The following NDST2 variants were observed in gnomAD, a reference collection of about 807,000 sequenced individuals.
NDST2 encodes N-deacetylase and N-sulfotransferase 2, also known as bifunctional heparan sulfate N-deacetylase/N-sulfotransferase 2.
Under a neutral mutation model 86.9 loss-of-function variants are expected in NDST2, and 32 were observed. That is an observed-to-expected ratio of 0.37 (90% CI 0.28 to 0.49). The LOEUF is 0.49. NDST2 is among the 20% of genes least tolerant of loss of function. NDST2 has a pLI of 0.97. For synonymous variants in NDST2, 409 were observed against 437.0 expected (o/e 0.94, Z 0.80); for missense variants, 950 against 1,146.9 (o/e 0.83, Z 2.48).
chr10:73,805,978 A>G lies in NDST2; in HGVS notation c.1485T>C (p.Asn495=), dbSNP rs760351892. 1.9e-6 allele frequency: 3 copies of G among 1,614,094 alleles called. No individual in the cohort carries two copies. The highest frequency in any genetic ancestry group is 2.2e-5 in the South Asian group (2 of 91,094). ...CGLFTHTIFY[N]EYPGGSRELD... is the part of the protein sequence containing the mutation. ...GTTCACGAGAGCCTCCAGGATACTCATTATAGAAGATTGTGTGAGTGAAGA... is the reference window on the plus strand; with the variant it reads ...GTTCACGAGAGCCTCCAGGATACTCGTTATAGAAGATTGTGTGAGTGAAGA... The change falls in exon 7 of 15, where the codon AAT becomes AAC. Residue 495 remains asparagine (N), a synonymous_variant. Coordinates refer to ENST00000309979, the MANE Select transcript of NDST2 (RefSeq NM_003635.4).
rs1370599503 is a variant in NDST2, at chr10:73,802,952, C to T, written c.2423+20G>A. On this transcript the variant is annotated intron_variant, in intron 13 of 14. Coordinates refer to ENST00000309979, the MANE Select transcript of NDST2 (RefSeq NM_003635.4). Reference sequence around the variant, plus strand: ...CCCATTTCCCATACAGTACTCCTCCCCTGGGTCATGCTCTCCCACCTGAGG... The same window carrying T: ...CCCATTTCCCATACAGTACTCCTCCTCTGGGTCATGCTCTCCCACCTGAGG... 1.2e-6 allele frequency: 2 copies of T among 1,609,856 alleles called. No homozygotes were observed. The highest frequency in any genetic ancestry group is 1.7e-6 in the Non-Finnish European group (2 of 1,176,232).
chr10:73,803,210 C>A lies in NDST2; in HGVS notation c.2292G>T (p.Leu764=). Residue 764 remains leucine, a synonymous_variant, in exon 12 of 15, where the codon CTG becomes CTT. Transcript: ENST00000309979. ...GYYSTHLQRW[L]TYYPSGQLLI... ...ATACCTGTCCAGAGGGGTAGTAAGT[C>A]AGCCAGCGTTGTAGATGGGTAGAAT... The A allele has an allele frequency of 6.2e-7, 1 of 1,614,202 alleles. No individual in the cohort carries two copies. Among genetic ancestry groups the A allele is most frequent in the South Asian group, 1.1e-5 (1 of 91,082 alleles).
At position 73,805,719 on chromosome 10, in the gene NDST2, G is replaced by A; in HGVS notation, c.1614C>T (p.Gly538=). The A allele has an allele frequency of 6.2e-7, 1 of 1,614,196 alleles. No individual in the cohort carries two copies. The highest frequency in any genetic ancestry group is 1.1e-5 in the South Asian group (1 of 91,080). ...HLSNYGNDRL[G]LYTFESLVRF... ...GCACCAAGCTCTCAAAGGTGTATAG[G>A]CCCAGCCGGTCATTTCCATAATTGG... The change falls in exon 8 of 15, where the codon GGC becomes GGT. Residue 538 remains glycine, a synonymous_variant. Coordinates refer to ENST00000309979, the MANE Select transcript of NDST2 (RefSeq NM_003635.4).
Position 73,806,417 on chromosome 10 carries a change from A to T in NDST2, c.1306T>A (p.Tyr436Asn). Residue 436 changes from tyrosine (Y) to asparagine (N), a missense_variant, in exon 6 of 15, where the codon TAC becomes AAC. This residue lies in a region of NDST2 where 586 missense variants were observed against 714.0 expected (regional missense o/e 0.82). Coordinates refer to ENST00000309979, the MANE Select transcript of NDST2 (RefSeq NM_003635.4). The surrounding 1 kb of genome is among the most constrained non-coding windows in gnomAD (Gnocchi z 4.5). The stretch of plus-strand genomic sequence containing the variant: ...TCATAGAGCTGCGTGTGGATGGGGT[A>T]CACACCCGAGTGGTGGGGGGCCACA... ...YAVAPHHSGV[Y>N]PIHTQLYEAW... The T allele has an allele frequency of 6.2e-7, 1 of 1,613,306 alleles. No homozygotes were observed. The highest frequency in any genetic ancestry group is 8.5e-7 in the Non-Finnish European group (1 of 1,179,448).
chr10:73,803,614 A>G lies in NDST2; in HGVS notation c.2102T>C (p.Val701Ala). The G allele has an allele frequency of 1.2e-6, 2 of 1,608,228 alleles. No individual in the cohort carries two copies. Among genetic ancestry groups the G allele is most frequent in the Non-Finnish European group, 1.7e-6 (2 of 1,178,202 alleles). ...GGCCCTGTCAGCAGGGTTGGTGAGC[A>G]CTGTGATGATCTTGGCTCGTGGCAG... is the stretch of plus-strand genomic sequence containing the variant. Reference protein sequence around the residue: ...ALLPRAKIITVLTNPADRAYS... With the variant: ...ALLPRAKIITALTNPADRAYS... Residue 701 changes from valine (V) to alanine (A), a missense_variant, in exon 11 of 15, where the codon GTG (valine) becomes GCG (alanine). Around this residue, in one of 5 missense-constraint regions of NDST2, gnomAD observed 303 missense variants for 323.7 expected, o/e 0.94. Coordinates refer to ENST00000309979, the MANE Select transcript of NDST2 (RefSeq NM_003635.4).
At chr10:73,807,299 T>G in intron 3 of NDST2, 85 bp downstream of exon 3, 1 of 1,580,634 alleles carries the variant, frequency 6.3e-7, no homozygotes, top group South Asian at 1.1e-5. Flanking sequence ...AGTGTACCTA[T>G]GACAAGCTCA....
chr10:73,806,340 G>T lies in NDST2; in HGVS notation c.1383C>A (p.Pro461=), dbSNP rs1318753555. ...GGCGGTAGCGGGCAGGGCGGAGATG[G>T]GGATACTCCTCAGTGCTGGTCACCT... ...GIQVTSTEEY[P]HLRPARYRRG... is the part of the protein sequence containing the mutation. The change falls in exon 6 of 15, where the codon CCC becomes CCA. Residue 461 remains proline (P), a synonymous_variant. Transcript: ENST00000309979. This position sits in a 1 kb window ranked among gnomAD's most constrained non-coding sequence, Gnocchi z 4.5. 22 of 1,614,044 alleles carry T rather than the reference G, an allele frequency of 1.4e-5. No individual in the cohort carries two copies. Among genetic ancestry groups the T allele is most frequent in the Non-Finnish European group, 1.9e-5 (22 of 1,180,042 alleles).
At chr10:73,807,265 T>C (rs2084119716) in intron 3 of NDST2, 70 bp from the exon 4 acceptor site, 1 of 1,559,324 alleles carries the variant, frequency 6.4e-7, no homozygotes, top group African/African-American at 1.4e-5. Context: ...AGAAGTAGCA[T>C]TCTTCCTGCC....
chr10:73,809,556 G>A (rs752114819), intron 2 of NDST2, among the ~76,000 whole-genome samples: 1 of 152,160 alleles, frequency 6.6e-6, no homozygotes, highest in Non-Finnish European at 1.5e-5. Context: ...CAGCTCAGAA[G>A]AGTCCCTGAG....
intron 8 of NDST2, 48 bp from the exon 9 acceptor site, chr10:73,804,917 T>TTC: frequency 1.7e-6 from 2 of 1,198,948 alleles, no homozygotes; most frequent in Non-Finnish European, 2.4e-6. Flanking sequence ...TTTTTTTTTT[T>TTC]TGAGACGGAG....
At chr10:73,804,709 TC>T (rs1311018996) in intron 9 of NDST2, 63 bp downstream of exon 9, 15 of 955,042 alleles carry the variant, frequency 1.6e-5, no homozygotes, top group Non-Finnish European at 2.3e-5. Context: ...AGAAGAGAGT[TC>T]CTTGACAAAA....
At position 73,805,728 on chromosome 10, in the gene NDST2, G is replaced by C. The variant is rs1325712750; in HGVS notation, c.1605C>G (p.Asp535Glu). The change falls in exon 8 of 15, where the codon GAC becomes GAG. Residue 535 changes from aspartate to glutamate, a missense_variant. Around this residue, in one of 5 missense-constraint regions of NDST2, gnomAD observed 586 missense variants for 714.0 expected, o/e 0.82. Coordinates refer to ENST00000309979, the MANE Select transcript of NDST2 (RefSeq NM_003635.4). ...FMTHLSNYGN[D>E]RLGLYTFESL... ...TCTCAAAGGTGTATAGGCCCAGCCG[G>C]TCATTTCCATAATTGGACAGATGGG... 6.2e-7 allele frequency: 1 copy of C among 1,614,220 alleles called. No homozygotes were observed. Among genetic ancestry groups the C allele is most frequent in the East Asian group, 2.2e-5 (1 of 44,886 alleles).
chr10:73,806,759 C>G lies in NDST2; in HGVS notation c.1146G>C (p.Glu382Asp). ...GDDMLLKHRK[E>D]FWWFPHMWSH... is the part of the protein sequence containing the mutation. Reference sequence around the variant, plus strand: ...TCCACATGTGGGGGAACCACCAGAACTCTTTGCGGTGCTTCAGCAGCATGT... The same window carrying G: ...TCCACATGTGGGGGAACCACCAGAAGTCTTTGCGGTGCTTCAGCAGCATGT... The change falls in exon 5 of 15, where the codon GAG (glutamate) becomes GAC (aspartate). Residue 382 changes from glutamate to aspartate, a missense_variant. Physicochemically the swap from Glu to Asp is conservative, Grantham distance 45. Coordinates refer to ENST00000309979, the MANE Select transcript of NDST2 (RefSeq NM_003635.4). The surrounding 1 kb of genome is among the most constrained non-coding windows in gnomAD (Gnocchi z 4.5). 1 of 1,614,154 alleles carries G rather than the reference C, an allele frequency of 6.2e-7. No individual in the cohort carries two copies. The highest frequency in any genetic ancestry group is 1.1e-5 in the South Asian group (1 of 91,090).
chr10:73,803,831 T>TG, intron 10 of NDST2, 62 bp downstream of exon 10: 1 of 1,613,706 alleles, frequency 6.2e-7, no homozygotes, highest in Non-Finnish European at 8.5e-7. Flanking sequence ...GAAGCTGGAA[T>TG]GGGGTATTTT....
intron 8 of NDST2, among the ~76,000 whole-genome samples, 167 bp from the exon 9 acceptor site, chr10:73,805,036 G>A (rs1306461668): frequency 6.6e-6 from 1 of 151,908 alleles, no homozygotes; most frequent in African/African-American, 2.4e-5. Flanking sequence ...GAGTAGCTGG[G>A]ATTATAGGCA....
At chr10:73,803,473 T>TA in intron 11 of NDST2, 101 bp downstream of exon 11, 1 of 1,543,466 alleles carries the variant, frequency 6.5e-7, no homozygotes, top group Admixed American at 1.7e-5. Context: ...AGGCACTAGT[T>TA]AAGTTTCTCA....
In NDST2 at chr10:73,803,062, T is replaced by A. The variant is rs2084026381; in HGVS notation, c.2333A>T (p.Gln778Leu). The change falls in exon 13 of 15, where the codon CAA becomes CTA. Residue 778 changes from glutamine to leucine, a missense_variant. Physicochemically the swap from Gln to Leu is moderately radical, Grantham distance 113. This residue lies in a region of NDST2 where 303 missense variants were observed against 323.7 expected (regional missense o/e 0.94). Transcript: ENST00000309979. ...PSGQLLIVDG[Q>L]ELRTNPAASM... ...GGCTGCTGGGTTGGTACGCAGCTCT[T>A]GCCCATCCACAATCAGCAACTAAAA... 6.2e-7 allele frequency: 1 copy of A among 1,614,094 alleles called. No individual in the cohort carries two copies. The highest frequency in any genetic ancestry group is 8.5e-7 in the Non-Finnish European group (1 of 1,180,050).
chr10:73,802,766 C>T lies in NDST2; in HGVS notation c.2434G>A (p.Asp812Asn). 6.2e-7 allele frequency: 1 copy of T among 1,613,870 alleles called. No homozygotes were observed. Among genetic ancestry groups the T allele is most frequent in the East Asian group, 2.2e-5 (1 of 44,796 alleles). ...AGTCCCTGGCACCAAAATCCCTTATCATCATCAAACCTGCTCAACAGGAAG... is the reference window on the plus strand; with the variant it reads ...AGTCCCTGGCACCAAAATCCCTTATTATCATCAAACCTGCTCAACAGGAAG... ...NYTRTLRFDD[D>N]KGFWCQGLEG... is the part of the protein sequence containing the mutation. The change falls in exon 14 of 15, where the codon GAT (aspartate) becomes AAT (asparagine). Residue 812 changes from aspartate (D) to asparagine (N), a missense_variant. Coordinates refer to ENST00000309979, the MANE Select transcript of NDST2 (RefSeq NM_003635.4).
chr10:73,802,695 C>T lies in NDST2; in HGVS notation c.2505G>A (p.Arg835=), dbSNP rs984952253. ...TTACCTCAGTGTCCATATCTGGATA[C>T]CTCCGGCCTTTGCTCCGGCCTAGAC... ...TRCLGRSKGR[R]YPDMDTESRL... Residue 835 remains arginine (R), a synonymous_variant, in exon 14 of 15, where the codon AGG becomes AGA. Coordinates refer to ENST00000309979, the MANE Select transcript of NDST2 (RefSeq NM_003635.4). 3.1e-6 allele frequency: 5 copies of T among 1,614,052 alleles called. No individual in the cohort carries two copies. The Admixed American group carries it at 8.3e-5, about 27-fold the overall frequency.
Sources: gnomAD v4.1 joint callset for allele counts (sites outside exome capture counted in the v4.1 genomes callset) on GRCh38, gnomAD v4.1.1 for gene constraint, gnomAD v4.1.1 regional missense constraint, Gnocchi (gnomAD v3.1) non-coding constraint, MANE v1.5 for transcripts, NCBI Gene and HGNC (gene_info 2026-07-23, HGNC 2026-07-21) for gene names.